The following BCL2 variants were observed in gnomAD, a reference collection of about 807,000 sequenced individuals.
The protein encoded by BCL2 is BCL2 apoptosis regulator, also known as apoptosis regulator Bcl-2.
BCL2 carries 1 observed loss-of-function variant against 14.2 expected under a neutral mutation model. That is an observed-to-expected ratio of 0.07 (90% CI 0.02 to 0.33). BCL2 has a LOEUF of 0.33. Ranked by LOEUF, BCL2 falls within the 10% of genes least tolerant of loss-of-function variation. BCL2 has a pLI of 0.99. For synonymous variants in BCL2, 151 were observed against 137.2 expected (o/e 1.10, Z -0.70); for missense variants, 247 against 305.9 (o/e 0.81, Z 1.44).
At chr18:63,266,593 T>C (rs1201337290) in intron 2 of BCL2, among the ~76,000 whole-genome samples, 1 of 147,694 alleles carries the variant, frequency 6.8e-6, no homozygotes, top group African/African-American at 2.5e-5. Flanking sequence ...CGGAACCAAT[T>C]TGGAACATAA....
At chr18:63,236,619 C>T (rs747612896) in intron 2 of BCL2, among the ~76,000 whole-genome samples, 4 of 152,212 alleles carry the variant, frequency 2.6e-5, no homozygotes, top group Non-Finnish European at 4.4e-5. Flanking sequence ...AGGGAAGAAA[C>T]CAGACTGCTC....
At chr18:63,158,462 A>T (rs576796451) in intron 2 of BCL2, among the ~76,000 whole-genome samples, 118 of 151,870 alleles carry the variant, frequency 7.8e-4, no homozygotes, top group African/African-American at 2.8e-3. Context: ...GTTGCTCTGG[A>T]CCCTCCGAGA....
At chr18:63,198,219 AAC>A (rs1397179236) in intron 2 of BCL2, among the ~76,000 whole-genome samples, 1 of 139,594 alleles carries the variant, frequency 7.2e-6, no homozygotes, top group Admixed American at 7.0e-5. Flanking sequence ...GACACACACA[AAC>A]ACACACAGAC....
chr18:63,195,370 C>T (rs1181109198), intron 2 of BCL2, among the ~76,000 whole-genome samples: 1 of 152,204 alleles, frequency 6.6e-6, no homozygotes, highest in Non-Finnish European at 1.5e-5. Flanking sequence ...GGAAAAGTTA[C>T]ATGTGTAGAA....
intron 2 of BCL2, among the ~76,000 whole-genome samples, chr18:63,216,600 C>A (rs1910211694): frequency 6.6e-6 from 1 of 152,068 alleles, no homozygotes; most frequent in Non-Finnish European, 1.5e-5. Context: ...TCTTTAAGTA[C>A]AGCTACATCT....
At chr18:63,310,224 G>A (rs529611668) in intron 2 of BCL2, among the ~76,000 whole-genome samples, 10 of 152,270 alleles carry the variant, frequency 6.6e-5, no homozygotes, top group African/African-American at 2.4e-4. Flanking sequence ...CAAAGATAGG[G>A]AGGGCTGTCT....
intron 2 of BCL2, among the ~76,000 whole-genome samples, chr18:63,271,508 T>C (rs190396859): frequency 1.1e-4 from 16 of 152,330 alleles, no homozygotes; most frequent in East Asian, 1.9e-4. Flanking sequence ...TATATCTCAA[T>C]GAAAATAGCT....
chr18:63,237,628 C>T (rs569709986), intron 2 of BCL2, among the ~76,000 whole-genome samples: 1 of 152,188 alleles, frequency 6.6e-6, no homozygotes, highest in Non-Finnish European at 1.5e-5. Context: ...AGTTTTCACC[C>T]AATCCCTAGC....
chr18:63,176,145 C>G (rs1052764834), intron 2 of BCL2, among the ~76,000 whole-genome samples: 4 of 152,176 alleles, frequency 2.6e-5, no homozygotes, highest in Non-Finnish European at 5.9e-5. Flanking sequence ...AAGAATTTTC[C>G]TTTATTAGCA....
chr18:63,216,400 TAAA>T (rs35457535), intron 2 of BCL2, among the ~76,000 whole-genome samples: 1 of 134,898 alleles, frequency 7.4e-6, no homozygotes, highest in African/African-American at 2.8e-5. Context: ...AAATGTTTTC[TAAA>T]AAAAAAAAAA....
At chr18:63,210,086 A>G (rs1483958850) in intron 2 of BCL2, among the ~76,000 whole-genome samples, 1 of 152,340 alleles carries the variant, frequency 6.6e-6, no homozygotes, top group African/African-American at 2.4e-5. Flanking sequence ...GAAACCATCC[A>G]GCTTGAGGAA....
intron 2 of BCL2, among the ~76,000 whole-genome samples, chr18:63,196,629 A>G (rs1568230415): frequency 1.3e-5 from 2 of 152,198 alleles, no homozygotes; most frequent in Non-Finnish European, 2.9e-5. Flanking sequence ...TGAACGCTGC[A>G]TGCTGTTAAT....
chr18:63,294,559 A>G (rs559585104), intron 2 of BCL2, among the ~76,000 whole-genome samples: 1 of 152,148 alleles, frequency 6.6e-6, no homozygotes, highest in Admixed American at 6.5e-5. Flanking sequence ...AGTTCCAGCT[A>G]CTCAGGAGGC....
intron 2 of BCL2, among the ~76,000 whole-genome samples, chr18:63,221,824 G>C (rs910121459): frequency 1.3e-5 from 2 of 152,242 alleles, no homozygotes; most frequent in East Asian, 3.8e-4. Context: ...TCAGTTGTAA[G>C]ATCGGAATTT....
intron 2 of BCL2, among the ~76,000 whole-genome samples, chr18:63,244,152 G>T (rs1237288405): frequency 6.6e-6 from 1 of 152,128 alleles, no homozygotes; most frequent in Non-Finnish European, 1.5e-5. Flanking sequence ...GGCCGAGGTG[G>T]GTAGATTGTG....
chr18:63,147,297 C>T (rs1914538309), intron 2 of BCL2, among the ~76,000 whole-genome samples: 1 of 152,294 alleles, frequency 6.6e-6, no homozygotes, highest in South Asian at 2.1e-4. Flanking sequence ...AGTGACATCA[C>T]TTTTAGATTC....
intron 2 of BCL2, among the ~76,000 whole-genome samples, chr18:63,280,548 G>C (rs958515309): frequency 6.6e-6 from 1 of 152,098 alleles, no homozygotes; most frequent in African/African-American, 2.4e-5. Context: ...CTAAAAACAA[G>C]ATAAATGAAT....
intron 2 of BCL2, among the ~76,000 whole-genome samples, chr18:63,296,704 C>A (rs758852930): frequency 6.6e-6 from 1 of 152,158 alleles, no homozygotes; most frequent in Non-Finnish European, 1.5e-5. Flanking sequence ...TATGGTGAGG[C>A]CTTCCCTGCC....
chr18:63,232,379 G>T (rs1910713444), intron 2 of BCL2, among the ~76,000 whole-genome samples: 1 of 152,134 alleles, frequency 6.6e-6, no homozygotes, highest in African/African-American at 2.4e-5. Flanking sequence ...TAGCCTTGGA[G>T]AGAGAAAATT....
Sources: gnomAD v4.1 joint callset for allele counts (sites outside exome capture counted in the v4.1 genomes callset) on GRCh38, gnomAD v4.1.1 for gene constraint, MANE v1.5 for transcripts, NCBI Gene and HGNC (gene_info 2026-07-23, HGNC 2026-07-21) for gene names.